Variants in KCNJ1 observed in about 807,000 individuals in gnomAD.
KCNJ1 encodes the protein ATP-sensitive inward rectifier potassium channel 1.
KCNJ1 carries 24 observed loss-of-function variants against 21.9 expected under a neutral mutation model. The observed-to-expected ratio is 1.10, with a 90% CI of 0.79 to 1.54. KCNJ1 has a LOEUF of 1.54. Ranked by LOEUF, KCNJ1 falls within the 40% of genes most tolerant of loss-of-function variation. KCNJ1 has a pLI of 0.00. For synonymous variants in KCNJ1, 152 were observed against 160.9 expected, an observed-to-expected ratio of 0.94 and a Z score of 0.42; for missense variants, 457 against 455.4, an observed-to-expected ratio of 1.00 and a Z score of -0.03.
At chr11:128,850,687 C>T (rs567251862) in intron 2 of KCNJ1, 34 bp downstream of exon 2, 43 of 959,928 alleles carry the variant, frequency 4.5e-5, no homozygotes, top group Middle Eastern at 5.3e-4. Context: ...CCTGGGGTGT[C>T]CAATAGTTGC....
intron 1 of KCNJ1, among the ~76,000 whole-genome samples, chr11:128,863,885 G>A (rs1457738462): frequency 1.3e-5 from 2 of 151,802 alleles, no homozygotes; most frequent in East Asian, 1.9e-4. Flanking sequence ...TCTTTTTTCC[G>A]TTTGCTCACA....
intron 1 of KCNJ1, among the ~76,000 whole-genome samples, chr11:128,854,032 C>T (rs367623328): frequency 1.3e-5 from 2 of 151,612 alleles, no homozygotes; most frequent in Admixed American, 1.3e-4. Flanking sequence ...GGCCCGTGGG[C>T]CCTCATACCC....
chr11:128,845,282 T>C (rs1943358664), intron 2 of KCNJ1, among the ~76,000 whole-genome samples: 1 of 152,170 alleles, frequency 6.6e-6, no homozygotes, highest in African/African-American at 2.4e-5. Flanking sequence ...AATTCAAGAA[T>C]TGTAATGTGG....
At chr11:128,859,671 GCCC>G in intron 1 of KCNJ1, among the ~76,000 whole-genome samples, 1 of 152,252 alleles carries the variant, frequency 6.6e-6, no homozygotes, top group Non-Finnish European at 1.5e-5. Context: ...GGAAAGGCTG[GCCC>G]TCCCTCCTCA....
intron 1 of KCNJ1, among the ~76,000 whole-genome samples, chr11:128,853,538 G>T (rs1001856693): frequency 2.6e-5 from 4 of 152,166 alleles, no homozygotes; most frequent in Non-Finnish European, 4.4e-5. Context: ...TGGGCACCAG[G>T]TTCTTTTGGG....
intron 1 of KCNJ1, among the ~76,000 whole-genome samples, chr11:128,865,950 G>A (rs1943808868): frequency 6.6e-6 from 1 of 152,034 alleles, no homozygotes; most frequent in South Asian, 2.1e-4. Context: ...TCTTTACAAG[G>A]GCAGTCTTGC....
At chr11:128,862,051 C>G (rs1266997559) in intron 1 of KCNJ1, among the ~76,000 whole-genome samples, 7 of 152,188 alleles carry the variant, frequency 4.6e-5, no homozygotes, top group Non-Finnish European at 1.0e-4. Context: ...GCGCTGGGTG[C>G]CTGGGTCGCA....
At chr11:128,842,372 C>G (rs773080129) in intron 2 of KCNJ1, 2 of 1,613,692 alleles carry the variant, frequency 1.2e-6, no homozygotes, top group African/African-American at 2.7e-5. Context: ...TTTCCCCAGC[C>G]TCCACTTACC....
At chr11:128,859,709 C>T (rs1355411660) in intron 1 of KCNJ1, among the ~76,000 whole-genome samples, 2 of 152,220 alleles carry the variant, frequency 1.3e-5, no homozygotes, top group Non-Finnish European at 2.9e-5. Flanking sequence ...GTGCCCTCTC[C>T]TGGCTAGCCC....
In KCNJ1 at chr11:128,839,406, C is replaced by T. The variant is rs775604625; in HGVS notation, c.838G>A (p.Gly280Ser). Residue 280 changes from glycine (G) to serine (S), a missense_variant, in exon 3 of 3, where the codon GGC (glycine) becomes AGC (serine). Transcript: ENST00000392666. ...QDFELVVFLD[G>S]TVESTSATCQ... ...GTAGCACTGGTGGACTCCACTGTGC[C>T]ATCTAAAAACACCACTAATTCAAAG... 6 of 1,614,184 alleles carry T rather than the reference C, an allele frequency of 3.7e-6. No individual in the cohort carries two copies. Among genetic ancestry groups the T allele is most frequent in the South Asian group, 1.1e-5 (1 of 91,076 alleles).
intron 1 of KCNJ1, among the ~76,000 whole-genome samples, chr11:128,858,249 G>A (rs1179100109): frequency 6.6e-6 from 1 of 151,742 alleles, no homozygotes; most frequent in Non-Finnish European, 1.5e-5. Context: ...AGAATGAAGA[G>A]ACAAGGAAAT....
intron 1 of KCNJ1, among the ~76,000 whole-genome samples, chr11:128,862,613 T>C (rs1406145138): frequency 2.0e-5 from 3 of 152,342 alleles, no homozygotes; most frequent in African/African-American, 7.2e-5. Context: ...GCCACTCTTG[T>C]ACCTGCCATC....
intron 1 of KCNJ1, among the ~76,000 whole-genome samples, chr11:128,858,491 G>A (rs1158074193): frequency 6.6e-6 from 1 of 152,006 alleles, no homozygotes; most frequent in Non-Finnish European, 1.5e-5. Context: ...AATGGGAAGG[G>A]CACATACTTT....
rs747076889 is a variant in KCNJ1, at chr11:128,839,201, G to T, written c.1043C>A (p.Ala348Asp). ...GTTGTCATAGCCTCTCTTCATCCTGGCTCTAACATCTTTCTCATTATAAAG... is the reference window on the plus strand; with the variant it reads ...GTTGTCATAGCCTCTCTTCATCCTGTCTCTAACATCTTTCTCATTATAAAG... The part of the protein sequence containing the change: ...MCLYNEKDVR[A>D]RMKRGYDNPN... Residue 348 changes from alanine (A) to aspartate (D), a missense_variant, in exon 3 of 3, where the codon GCC becomes GAC. Coordinates refer to ENST00000392666, the MANE Select transcript of KCNJ1 (RefSeq NM_153766.3). 5.0e-6 allele frequency: 8 copies of T among 1,614,002 alleles called. No individual in the cohort carries two copies. Among genetic ancestry groups the T allele is most frequent in the Non-Finnish European group, 5.9e-6 (7 of 1,180,006 alleles).
chr11:128,839,234 G>T lies in KCNJ1; in HGVS notation c.1010C>A (p.Ala337Asp), dbSNP rs1175143767. Residue 337 changes from alanine to aspartate, a missense_variant, in exon 3 of 3, where the codon GCC (alanine) becomes GAC (aspartate). Ala to Asp is a moderately radical substitution (Grantham distance 126). Coordinates refer to ENST00000392666, the MANE Select transcript of KCNJ1 (RefSeq NM_153766.3). ...ATCTTTCTCATTATAAAGGCACATG[G>T]CACAGTGAGGGGTCTCCACTTCCAC... Reference protein sequence around the residue: ...KTVEVETPHCAMCLYNEKDVR... With the variant: ...KTVEVETPHCDMCLYNEKDVR... The T allele has an allele frequency of 1.2e-6, 2 of 1,613,832 alleles. No homozygotes were observed. The highest frequency in any genetic ancestry group is 3.3e-5 in the Admixed American group (2 of 59,992).
At chr11:128,854,854 G>A (rs141150787) in intron 1 of KCNJ1, among the ~76,000 whole-genome samples, 54 of 152,270 alleles carry the variant, frequency 3.5e-4, no homozygotes, top group African/African-American at 1.2e-3. Flanking sequence ...ATAGATGCAC[G>A]ATGGGTTTGG....
intron 1 of KCNJ1, among the ~76,000 whole-genome samples, chr11:128,859,770 C>T (rs893656969): frequency 6.6e-6 from 1 of 152,220 alleles, no homozygotes; most frequent in Non-Finnish European, 1.5e-5. Context: ...CTGTGCTGGG[C>T]ACTGGGGTAC....
In KCNJ1 at chr11:128,840,143, A is replaced by C. The variant is rs1482819622; in HGVS notation, c.101T>G (p.Phe34Cys). 1.2e-6 allele frequency: 2 copies of C among 1,614,172 alleles called. No individual in the cohort carries two copies. Among genetic ancestry groups the C allele is most frequent in the Non-Finnish European group, 1.7e-6 (2 of 1,180,026 alleles). Reference protein sequence around the residue: ...VSKDGRCNIEFGNVEAQSRFI... With the variant: ...VSKDGRCNIECGNVEAQSRFI... ...CCTTGACTGTGCCTCCACATTGCCA[A>C]ATTCTATGTTGCACCTTCCATCTTT... Residue 34 changes from phenylalanine (F) to cysteine (C), a missense_variant, in exon 3 of 3, where the codon TTT becomes TGT. By Grantham distance (205) the Phe-to-Cys change is radical. Coordinates refer to ENST00000392666, the MANE Select transcript of KCNJ1 (RefSeq NM_153766.3).
intron 2 of KCNJ1, among the ~76,000 whole-genome samples, chr11:128,842,199 C>A (rs1021435318): frequency 6.6e-6 from 1 of 152,214 alleles, no homozygotes; most frequent in Non-Finnish European, 1.5e-5. Flanking sequence ...TTTTTCCCAG[C>A]ACCCTGCTCC....
Sources: allele counts gnomAD v4.1 joint callset (sites outside exome capture counted in the v4.1 genomes callset), GRCh38; gene constraint gnomAD v4.1.1; transcripts MANE v1.5; gene names NCBI Gene and HGNC (gene_info 2026-07-23, HGNC 2026-07-21).